The following LUZP2 variants were observed in gnomAD, a reference collection of about 807,000 sequenced individuals.
The protein encoded by LUZP2 is leucine zipper protein 2.
Under a neutral mutation model 51.6 loss-of-function variants are expected in LUZP2, and 52 were observed. That is an observed-to-expected ratio of 1.01 (90% CI 0.81 to 1.27). The LOEUF (loss-of-function observed/expected upper bound fraction) is 1.27. Among genes scored for constraint, LUZP2 ranks in the 50% most tolerant of loss-of-function variants. LUZP2 has a pLI of 0.00. For missense variants in LUZP2, 436 were observed against 395.4 expected (o/e 1.10, Z -0.87); for synonymous variants, 154 against 137.3 (o/e 1.12, Z -0.85).
At chr11:24,877,905 C>T (rs1344633899) in intron 5 of LUZP2, among the ~76,000 whole-genome samples, 2 of 152,050 alleles carry the variant, frequency 1.3e-5, no homozygotes, top group African/African-American at 4.8e-5. Context: ...TAGTGACTTC[C>T]GGTACCATCC....
Position 24,867,457 on chromosome 11 carries a change from C to T in LUZP2, c.397-38534C>T, listed in dbSNP as rs538445387. Among the ~76,000 whole-genome samples the T allele has an allele frequency of 6.5e-4, 99 of 152,268 alleles. 1 individual carries two copies. Among genetic ancestry groups the T allele is most frequent in the African/African-American group, 1.4e-3 (57 of 41,542 alleles). Reference sequence around the variant, plus strand: ...CTTCCAGTCATTTTGTTATTGATCACGCTCTGCCTCTGGTTTTCTTGTTCA... The same window carrying T: ...CTTCCAGTCATTTTGTTATTGATCATGCTCTGCCTCTGGTTTTCTTGTTCA... On this transcript the variant is annotated intron_variant, in intron 5 of 11. Transcript: ENST00000336930.
intron 5 of LUZP2, among the ~76,000 whole-genome samples, chr11:24,793,925 T>G (rs369359359): frequency 2.9e-5 from 3 of 103,284 alleles, no homozygotes; most frequent in Non-Finnish European, 6.7e-5. Context: ...GACTAACCAA[T>G]TATTATATTC....
At chr11:24,662,098 A>T (rs995591038) in intron 1 of LUZP2, among the ~76,000 whole-genome samples, 4 of 152,146 alleles carry the variant, frequency 2.6e-5, no homozygotes, top group Admixed American at 1.3e-4. Context: ...ACCATCACCA[A>T]CAATTTCTGG....
chr11:24,924,325 G>A (rs373766728), intron 7 of LUZP2, among the ~76,000 whole-genome samples: 41 of 151,998 alleles, frequency 2.7e-4, no homozygotes, highest in Non-Finnish European at 3.8e-4. Context: ...TGATCTGCCC[G>A]CCTCTGCCTC....
At chr11:24,975,090 C>T (rs1203175007) in intron 7 of LUZP2, among the ~76,000 whole-genome samples, 2 of 151,948 alleles carry the variant, frequency 1.3e-5, no homozygotes, top group African/African-American at 4.8e-5. Context: ...AATATAACCT[C>T]TCACATGCTC....
chr11:24,999,744 A>G (rs771289196), intron 9 of LUZP2, among the ~76,000 whole-genome samples: 1 of 152,180 alleles, frequency 6.6e-6, no homozygotes, highest in Non-Finnish European at 1.5e-5. Flanking sequence ...TTTTAAACTC[A>G]CAACCTTGTT....
In LUZP2 at chr11:25,081,515, ATGAC is replaced by A. The variant is rs1859459316; in HGVS notation, c.*2860_*2863del. On this transcript the variant is annotated 3_prime_UTR_variant, in exon 12 of 12. Transcript: ENST00000336930. Reference sequence around the variant, plus strand: ...TAGAGACTCTCTTTCAGTAAGTTCTATGACTGTACCTTAATGAATGCATTTTATT... The same window carrying A: ...TAGAGACTCTCTTTCAGTAAGTTCTATGTACCTTAATGAATGCATTTTATT... The A allele has an allele frequency of 6.6e-6, 1 of 151,870 alleles. No individual in the cohort carries two copies. The highest frequency in any genetic ancestry group is 1.5e-5 in the Non-Finnish European group (1 of 67,962). 9.4% of individuals were successfully genotyped at this position (151,870 alleles called of 1,614,324 possible).
intron 5 of LUZP2, among the ~76,000 whole-genome samples, chr11:24,845,850 G>A (rs1042965835): frequency 5.3e-5 from 8 of 151,996 alleles, no homozygotes; most frequent in African/African-American, 1.4e-4. Context: ...ATAAGTCTAC[G>A]AAGCCTCTTT....
chr11:24,639,116 G>A (rs982654345), intron 1 of LUZP2, among the ~76,000 whole-genome samples: 3 of 151,616 alleles, frequency 2.0e-5, no homozygotes, highest in Admixed American at 2.0e-4. Context: ...TTTCTCTATA[G>A]CAATAAATTA....
At position 25,045,218 on chromosome 11, in the gene LUZP2, GA is replaced by G. The variant is rs541496713; in HGVS notation, c.766-4812del. 3.5e-3 allele frequency among the ~76,000 whole-genome samples: 536 copies of G among 151,098 alleles called. 2 individuals carry two copies. The highest frequency in any genetic ancestry group is 0.013 in the African/African-American group (516 of 41,246). Reference sequence around the variant, plus strand: ...AACTTAAAGTAGAATAATAATAAAAGAAAAAAAATGAAAGTAATTAATGTAT... The same window carrying G: ...AACTTAAAGTAGAATAATAATAAAAGAAAAAAATGAAAGTAATTAATGTAT... On this transcript the variant is annotated intron_variant, in intron 9 of 11. Transcript: ENST00000336930.
intron 9 of LUZP2, among the ~76,000 whole-genome samples, chr11:25,028,451 A>G (rs769987433): frequency 6.6e-6 from 1 of 152,166 alleles, no homozygotes; most frequent in Non-Finnish European, 1.5e-5. Context: ...ATAATGAAGG[A>G]TCATTCAGCC....
At chr11:24,961,727 G>A (rs1461852201) in intron 7 of LUZP2, among the ~76,000 whole-genome samples, 1 of 151,942 alleles carries the variant, frequency 6.6e-6, no homozygotes, top group Non-Finnish European at 1.5e-5. Flanking sequence ...TCTTTTAATT[G>A]AAGCATTTAG....
chr11:25,013,706 T>A (rs542184625), intron 9 of LUZP2, among the ~76,000 whole-genome samples: 2 of 152,260 alleles, frequency 1.3e-5, no homozygotes, highest in African/African-American at 2.4e-5. Flanking sequence ...TAATTTTTAA[T>A]TTCAACATTT....
At chr11:25,025,497 A>T (rs1857464148) in intron 9 of LUZP2, among the ~76,000 whole-genome samples, 1 of 152,212 alleles carries the variant, frequency 6.6e-6, no homozygotes, top group South Asian at 2.1e-4. Context: ...ATATGAACAG[A>T]CACTTCTCAA....
At chr11:24,879,730 G>A (rs1011830255) in intron 5 of LUZP2, among the ~76,000 whole-genome samples, 2 of 152,164 alleles carry the variant, frequency 1.3e-5, no homozygotes, top group African/African-American at 2.4e-5. Context: ...TTTGAGAAGT[G>A]TCTGTTCATA....
intron 1 of LUZP2, among the ~76,000 whole-genome samples, chr11:24,567,203 A>G (rs547982422): frequency 2.0e-5 from 3 of 151,490 alleles, no homozygotes; most frequent in African/African-American, 7.2e-5. Context: ...ACCTAAATGA[A>G]ATAAAATTGG....
In LUZP2 at chr11:24,553,485, T is replaced by C. The variant is rs1221718081; in HGVS notation, c.62+56180T>C. Among the ~76,000 whole-genome samples the C allele has an allele frequency of 2.6e-5, 4 of 152,140 alleles. No individual in the cohort carries two copies. In the East Asian group the frequency reaches 7.7e-4, roughly 29 times the overall value. ...ATAGAATGGAAAAAGGTATTTTGAA[T>C]GTTTAAAATCAATTAGAAATTTATA... On this transcript the variant is annotated intron_variant, in intron 1 of 11. Transcript: ENST00000336930.
chr11:24,504,091 C>A (rs556349937), intron 1 of LUZP2, among the ~76,000 whole-genome samples: 1 of 152,264 alleles, frequency 6.6e-6, no homozygotes, highest in East Asian at 1.9e-4. Context: ...TAAGATACAT[C>A]TATAATGGTT....
intron 5 of LUZP2, chr11:24,786,378 A>G: frequency 2.0e-6 from 2 of 982,500 alleles, no homozygotes; most frequent in Middle Eastern, 5.2e-4. Flanking sequence ...ACCCTTCTAT[A>G]TAAATAATAT....
Sources: gnomAD v4.1 joint callset for allele counts (sites outside exome capture counted in the v4.1 genomes callset) on GRCh38, gnomAD v4.1.1 for gene constraint, MANE v1.5 for transcripts, NCBI Gene and HGNC (gene_info 2026-07-23, HGNC 2026-07-21) for gene names.